The following HIVEP1 variants were observed in gnomAD, a reference collection of about 807,000 sequenced individuals.
The protein encoded by HIVEP1 is zinc finger protein 40.
Under a neutral mutation model 180.0 loss-of-function variants are expected in HIVEP1, and 36 were observed. That is an observed-to-expected ratio of 0.20 (90% CI 0.15 to 0.26). HIVEP1 has a LOEUF of 0.26. Among genes scored for constraint, HIVEP1 ranks in the 10% least tolerant of loss-of-function variants. HIVEP1 has a pLI of 1.00. For synonymous variants in HIVEP1, 1,239 were observed against 1,239.0 expected, an observed-to-expected ratio of 1.00 and a Z score of 0.00; for missense variants, 3,143 against 3,268.7, an observed-to-expected ratio of 0.96 and a Z score of 0.94.
At position 12,122,987 on chromosome 6, in the gene HIVEP1, G is replaced by A; in HGVS notation, c.3192G>A (p.Leu1064=). The part of the protein sequence containing the change: ...SSEGLQFQNA[L]GCNPSLPKHN... ...AAGGCCTTCAGTTTCAGAATGCTCTGGGCTGTAATCCCAGTTTGCCTAAAC... is the reference window on the plus strand; with the variant it reads ...AAGGCCTTCAGTTTCAGAATGCTCTAGGCTGTAATCCCAGTTTGCCTAAAC... Residue 1064 remains leucine (L), a synonymous_variant, in exon 4 of 9, where the codon CTG becomes CTA. Coordinates refer to ENST00000379388, the MANE Select transcript of HIVEP1 (RefSeq NM_002114.4). The A allele has an allele frequency of 1.9e-6, 3 of 1,614,138 alleles. No individual in the cohort carries two copies. The highest frequency in any genetic ancestry group is 2.5e-6 in the Non-Finnish European group (3 of 1,180,016).
At chr6:12,009,274 T>C (rs1033746759), upstream of HIVEP1, among the ~76,000 whole-genome samples, 3 of 150,194 alleles carry the variant, frequency 2.0e-5, no homozygotes, top group Non-Finnish European at 4.5e-5. Flanking sequence ...GCGGGCAGGG[T>C]GGCGCGGGGC....
chr6:12,099,973 T>A (rs922382397), intron 3 of HIVEP1, among the ~76,000 whole-genome samples: 1 of 152,220 alleles, frequency 6.6e-6, no homozygotes, highest in Non-Finnish European at 1.5e-5. Flanking sequence ...CTTTAACAGC[T>A]CCAAATGAAT....
chr6:12,187,004 A>G, the HIVEP1 span, among the ~76,000 whole-genome samples: 1 of 152,200 alleles, frequency 6.6e-6, no homozygotes, highest in Non-Finnish European at 1.5e-5. Context: ...GATGGGCTGA[A>G]TAGCAGATTG....
At chr6:12,026,300 T>C (rs1392573854) in intron 2 of HIVEP1, among the ~76,000 whole-genome samples, 1 of 152,126 alleles carries the variant, frequency 6.6e-6, no homozygotes, top group African/African-American at 2.4e-5. Context: ...TGGAGTGGAG[T>C]AAAGCAATGA....
intron 3 of HIVEP1, among the ~76,000 whole-genome samples, chr6:12,090,734 C>CTT (rs1561929824): frequency 1.9e-5 from 2 of 103,104 alleles, no homozygotes; most frequent in African/African-American, 6.8e-5. Context: ...CTATAGCCAG[C>CTT]CTTTTTTTTT....
At chr6:12,091,941 G>T (rs571208122) in intron 3 of HIVEP1, among the ~76,000 whole-genome samples, 56 of 152,116 alleles carry the variant, frequency 3.7e-4, no homozygotes, top group African/African-American at 1.3e-3. Context: ...AAATTAACTG[G>T]GAAGAAATAA....
At chr6:12,146,770 A>G (rs1242826321) in intron 7 of HIVEP1, among the ~76,000 whole-genome samples, 1 of 151,786 alleles carries the variant, frequency 6.6e-6, no homozygotes, top group Non-Finnish European at 1.5e-5. Context: ...TCTCTTTTTG[A>G]ATGATTTTTT....
intron 7 of HIVEP1, among the ~76,000 whole-genome samples, chr6:12,151,252 A>G (rs1759684743): frequency 6.6e-6 from 1 of 152,210 alleles, no homozygotes; most frequent in African/African-American, 2.4e-5. Context: ...TATTAGAAAC[A>G]TTTGTTTATA....
the HIVEP1 span, among the ~76,000 whole-genome samples, chr6:12,190,136 G>C: frequency 6.6e-6 from 1 of 152,166 alleles, no homozygotes; most frequent in Non-Finnish European, 1.5e-5. Flanking sequence ...GCCAACATTT[G>C]TACCTTCTGG....
chr6:12,167,014 A>G (rs960008098), downstream of HIVEP1, among the ~76,000 whole-genome samples: 4 of 152,108 alleles, frequency 2.6e-5, no homozygotes, highest in African/African-American at 9.7e-5. Flanking sequence ...GGGCGTTCCA[A>G]TAACTTATTT....
chr6:12,023,269 A>G (rs1482375864), intron 2 of HIVEP1, among the ~76,000 whole-genome samples: 1 of 152,096 alleles, frequency 6.6e-6, no homozygotes, highest in Non-Finnish European at 1.5e-5. Context: ...TACCAGGAAT[A>G]AAATCTTACG....
chr6:12,027,883 A>T (rs1768688490), intron 2 of HIVEP1, among the ~76,000 whole-genome samples: 1 of 152,212 alleles, frequency 6.6e-6, no homozygotes, highest in Non-Finnish European at 1.5e-5. Context: ...TATCCTAATA[A>T]TTCTTTTTTT....
chr6:12,114,999 TG>T (rs1309762794), intron 3 of HIVEP1, among the ~76,000 whole-genome samples: 1 of 152,222 alleles, frequency 6.6e-6, no homozygotes, highest in Non-Finnish European at 1.5e-5. Flanking sequence ...GACATGTCTC[TG>T]AGTAAATCTG....
At chr6:12,057,750 T>C (rs1316076224) in intron 2 of HIVEP1, among the ~76,000 whole-genome samples, 1 of 152,240 alleles carries the variant, frequency 6.6e-6, no homozygotes. Flanking sequence ...TTTGATATTA[T>C]AACTCTTTCT....
At chr6:12,182,886 G>C in the HIVEP1 span, among the ~76,000 whole-genome samples, 3 of 152,192 alleles carry the variant, frequency 2.0e-5, no homozygotes, top group African/African-American at 7.2e-5. Context: ...GTGTGCATGA[G>C]TACTGCAGGA....
In HIVEP1 at chr6:12,015,658, A is replaced by G; in HGVS notation, c.30A>G (p.Arg10=). The change falls in exon 2 of 9, where the codon AGA becomes AGG. Residue 10 remains arginine (R), a synonymous_variant. Transcript: ENST00000379388. MPRTKQIHP[R]NLRDKIEEAQ... Reference sequence around the variant, plus strand: ...CTCGAACTAAACAAATTCATCCCAGAAATCTAAGAGGTAAAGCATTGCATT... The same window carrying G: ...CTCGAACTAAACAAATTCATCCCAGGAATCTAAGAGGTAAAGCATTGCATT... The G allele has an allele frequency of 1.2e-6, 2 of 1,613,610 alleles. No homozygotes were observed. The highest frequency in any genetic ancestry group is 1.7e-6 in the Non-Finnish European group (2 of 1,179,634).
At chr6:12,104,075 T>G (rs1468217448) in intron 3 of HIVEP1, among the ~76,000 whole-genome samples, 5 of 152,186 alleles carry the variant, frequency 3.3e-5, no homozygotes, top group Non-Finnish European at 7.3e-5. Context: ...TACTAGTAAT[T>G]TTAAAAATTA....
chr6:12,158,256 C>T (rs1316213462), intron 7 of HIVEP1, among the ~76,000 whole-genome samples: 1 of 152,078 alleles, frequency 6.6e-6, no homozygotes, highest in Non-Finnish European at 1.5e-5. Flanking sequence ...CCTCTCCTTC[C>T]TAGAGGCCTT....
chr6:12,122,694 A>G lies in HIVEP1; in HGVS notation c.2899A>G (p.Arg967Gly). The G allele has an allele frequency of 6.2e-7, 1 of 1,614,094 alleles. No homozygotes were observed. Among genetic ancestry groups the G allele is most frequent in the Non-Finnish European group, 8.5e-7 (1 of 1,179,996 alleles). The change falls in exon 4 of 9, where the codon AGG (arginine) becomes GGG (glycine). Residue 967 changes from arginine to glycine, a missense_variant. Physicochemically the swap from Arg to Gly is moderately radical, Grantham distance 125. Transcript: ENST00000379388. ...TMFECETCRNRYRKLENFENH... is the reference protein window; with the variant it reads ...TMFECETCRNGYRKLENFENH... ...GTTTGAGTGTGAAACTTGTAGAAAC[A>G]GGTATAGGAAACTGGAAAATTTTGA...
Sources: allele counts gnomAD v4.1 joint callset (sites outside exome capture counted in the v4.1 genomes callset), GRCh38; gene constraint gnomAD v4.1.1; transcripts MANE v1.5; gene names NCBI Gene and HGNC (gene_info 2026-07-23, HGNC 2026-07-21).